Variants in CEMIP observed in about 807,000 individuals in gnomAD.
CEMIP encodes cell migration inducing hyaluronidase 1.
Under a neutral mutation model 156.9 loss-of-function variants are expected in CEMIP, and 105 were observed. The observed-to-expected ratio is 0.67, with a 90% CI of 0.57 to 0.79. CEMIP has a LOEUF of 0.79. Ranked by LOEUF, CEMIP falls within the 30% of genes least tolerant of loss-of-function variation. CEMIP has a pLI of 0.00. For missense variants in CEMIP, 1,457 were observed against 1,769.4 expected (o/e 0.82, Z 3.17); for synonymous variants, 676 against 668.4 (o/e 1.01, Z -0.17).
chr15:80,810,528 C>T (rs1039930026), intron 1 of CEMIP, among the ~76,000 whole-genome samples: 2 of 152,112 alleles, frequency 1.3e-5, no homozygotes, highest in Non-Finnish European at 2.9e-5. Flanking sequence ...CCACTGCGGC[C>T]AGCTAATTTT....
At chr15:80,795,116 G>T (rs1896184438) in intron 1 of CEMIP, among the ~76,000 whole-genome samples, 1 of 152,064 alleles carries the variant, frequency 6.6e-6, no homozygotes, top group African/African-American at 2.4e-5. Context: ...CTGAAGGGGA[G>T]GCAGGGGTGA....
At chr15:80,875,505 T>C (rs1344813124) in intron 3 of CEMIP, among the ~76,000 whole-genome samples, 1 of 152,226 alleles carries the variant, frequency 6.6e-6, no homozygotes, top group African/African-American at 2.4e-5. Context: ...TGATCCACCT[T>C]GGAGAGGTGC....
At chr15:80,868,887 C>A (rs1268203540) in intron 1 of CEMIP, among the ~76,000 whole-genome samples, 1 of 152,180 alleles carries the variant, frequency 6.6e-6, no homozygotes, top group Non-Finnish European at 1.5e-5. Context: ...AGGTGAGAAA[C>A]CTGTGAGCCT....
intron 12 of CEMIP, among the ~76,000 whole-genome samples, chr15:80,904,838 C>A (rs28576300): frequency 0.36 from 54,870 of 152,002 alleles, 11,039 homozygotes; most frequent in African/African-American, 0.55. Flanking sequence ...TAAGAGAATA[C>A]ATTTATGTTG....
chr15:80,892,173 G>A (rs1400912014), intron 10 of CEMIP, among the ~76,000 whole-genome samples: 1 of 152,014 alleles, frequency 6.6e-6, no homozygotes, highest in East Asian at 1.9e-4. Flanking sequence ...CATACACAGT[G>A]GGTCCCGGCA....
chr15:80,783,003 T>G (rs1895837350), intron 1 of CEMIP, among the ~76,000 whole-genome samples: 1 of 152,206 alleles, frequency 6.6e-6, no homozygotes, highest in South Asian at 2.1e-4. Context: ...GAGCTCTTCA[T>G]CAGTCCTGTG....
intron 1 of CEMIP, among the ~76,000 whole-genome samples, chr15:80,828,273 G>A (rs533812935): frequency 2.9e-4 from 44 of 152,168 alleles, no homozygotes; most frequent in African/African-American, 9.4e-4. Context: ...CCAGTTACTC[G>A]GGAGGCTCAG....
intron 28 of CEMIP, among the ~76,000 whole-genome samples, chr15:80,944,485 G>A (rs574148293): frequency 1.3e-5 from 2 of 152,218 alleles, no homozygotes; most frequent in East Asian, 3.9e-4. Context: ...AAGTCTAAGC[G>A]CTTCATGTGG....
chr15:80,869,211 T>A (rs185759871), intron 1 of CEMIP, among the ~76,000 whole-genome samples: 2,462 of 152,334 alleles, frequency 0.016, 68 homozygotes, highest in African/African-American at 0.056. Flanking sequence ...CCCACCCGTA[T>A]GACCTCATTT....
At chr15:80,823,660 T>G (rs1896961065) in intron 1 of CEMIP, among the ~76,000 whole-genome samples, 1 of 152,154 alleles carries the variant, frequency 6.6e-6, no homozygotes, top group Non-Finnish European at 1.5e-5. Context: ...ACCCTGATGG[T>G]GGGTTCCAGC....
rs1486462068 is a variant in CEMIP at position 80,865,005 on chromosome 15, A to AGTGTGGAC, written c.-175-8532_-175-8525dup. 5.9e-5 allele frequency among the ~76,000 whole-genome samples: 9 copies of AGTGTGGAC among 152,040 alleles called. No individual in the cohort carries two copies. The East Asian group carries it at 1.7e-3, about 29-fold the overall frequency. ...TCACTCTGAACTGAATTGTAGCTCTAGTGTGGACCTTCTACACCACTCTGA... is the reference window on the plus strand; with the variant it reads ...TCACTCTGAACTGAATTGTAGCTCTAGTGTGGACGTGTGGACCTTCTACACCACTCTGA... On this transcript the variant is annotated intron_variant, in intron 1 of 29. Transcript: ENST00000394685.
In CEMIP at chr15:80,840,722, G is replaced by A. The variant is rs990383324; in HGVS notation, c.-175-32816G>A. On this transcript the variant is annotated intron_variant, in intron 1 of 29. Transcript: ENST00000394685. ...CCCGAGTGTTTGCCCAGTTGCCCTG[G>A]ACACACCAGCCTGGGGTGCAGGGAC... is the stretch of plus-strand genomic sequence containing the variant. 3.3e-5 allele frequency among the ~76,000 whole-genome samples: 5 copies of A among 152,332 alleles called. No homozygotes were observed. In the South Asian group the frequency reaches 8.3e-4, roughly 25 times the overall value.
At chr15:80,780,990 G>A (rs918387869) in intron 1 of CEMIP, among the ~76,000 whole-genome samples, 1 of 152,174 alleles carries the variant, frequency 6.6e-6, no homozygotes, top group Non-Finnish European at 1.5e-5. Context: ...TAGCTGAGCC[G>A]GCAGTTCTGC....
chr15:80,925,793 G>A (rs944716944), intron 19 of CEMIP, 38 bp downstream of exon 19: 4 of 1,602,438 alleles, frequency 2.5e-6, no homozygotes, highest in Non-Finnish European at 3.4e-6. Context: ...CACAAAGGGG[G>A]CATGGCGCGT....
chr15:80,834,680 A>G (rs544526316), intron 1 of CEMIP, among the ~76,000 whole-genome samples: 3 of 152,316 alleles, frequency 2.0e-5, no homozygotes, highest in Admixed American at 2.0e-4. Context: ...GCTTTAGCAT[A>G]TGTCTTGAAA....
intron 1 of CEMIP, among the ~76,000 whole-genome samples, chr15:80,802,512 G>A (rs1214039793): frequency 1.3e-5 from 2 of 152,222 alleles, no homozygotes; most frequent in Non-Finnish European, 2.9e-5. Context: ...GTTGACAGGG[G>A]CATGACTCCA....
At chr15:80,887,653 G>A (rs529251720) in intron 7 of CEMIP, 41 bp from the exon 8 acceptor site, 23 of 1,510,520 alleles carry the variant, frequency 1.5e-5, no homozygotes, top group African/African-American at 9.6e-5. Context: ...GTACAGACTC[G>A]TGCAGAACTT....
Position 80,884,364 on chromosome 15 carries a change from C to T in CEMIP, c.797+10C>T. On this transcript the variant is annotated intron_variant, in intron 7 of 29. Transcript: ENST00000394685. ...TGCACCTTGGATTTAGGTACTGCCCCTCACTTCGGCTTCCACTGGGCTCTG... is the reference window on the plus strand; with the variant it reads ...TGCACCTTGGATTTAGGTACTGCCCTTCACTTCGGCTTCCACTGGGCTCTG... 6.2e-7 allele frequency: 1 copy of T among 1,613,894 alleles called. No individual in the cohort carries two copies. The highest frequency in any genetic ancestry group is 8.5e-7 in the Non-Finnish European group (1 of 1,179,928).
intron 1 of CEMIP, chr15:80,842,210 A>T (rs1897440945): frequency 5.8e-6 from 2 of 343,708 alleles, no homozygotes. Flanking sequence ...TTTTAAACAG[A>T]GTGGTGGATT....
Sources: allele counts gnomAD v4.1 joint callset (sites outside exome capture counted in the v4.1 genomes callset), GRCh38; gene constraint gnomAD v4.1.1; transcripts MANE v1.5; gene names NCBI Gene and HGNC (gene_info 2026-07-23, HGNC 2026-07-21).